ERBB4: variants seen among roughly 807,000 people sequenced by gnomAD.
ERBB4 encodes receptor tyrosine-protein kinase erbB-4.
In ERBB4, 42 loss-of-function variants were observed where a neutral mutation model predicts 158.0. The ratio of observed to expected loss-of-function variants is 0.27; its 90% CI spans 0.21 to 0.34. The LOEUF (loss-of-function observed/expected upper bound fraction) is 0.34, where lower values mean the gene tolerates loss of function less well. Ranked by LOEUF, ERBB4 falls within the 10% of genes least tolerant of loss-of-function variation. ERBB4 has a pLI of 1.00. For synonymous variants in ERBB4, 583 were observed against 558.7 expected (o/e 1.04, Z -0.61); for missense variants, 1,333 against 1,624.1 (o/e 0.82, Z 3.08).
chr2:212,387,324 C>G (rs150184636), intron 1 of ERBB4, among the ~76,000 whole-genome samples: 3,647 of 152,204 alleles, frequency 0.024, 55 homozygotes, highest in Non-Finnish European at 0.036. Flanking sequence ...AAGCAAAAAG[C>G]AAGAATGCAT....
At chr2:211,413,694 G>A (rs2063318461) in intron 25 of ERBB4, among the ~76,000 whole-genome samples, 1 of 151,974 alleles carries the variant, frequency 6.6e-6, no homozygotes, top group Admixed American at 6.6e-5. Flanking sequence ...AATCACATAA[G>A]GAAAAAAGTT....
At chr2:212,057,342 C>T (rs1027558250) in intron 2 of ERBB4, among the ~76,000 whole-genome samples, 1 of 152,166 alleles carries the variant, frequency 6.6e-6, no homozygotes, top group Non-Finnish European at 1.5e-5. Context: ...GAGACTTTAA[C>T]ACCGCACTGT....
chr2:211,934,722 G>C (rs1037998099), intron 3 of ERBB4, among the ~76,000 whole-genome samples: 1 of 151,608 alleles, frequency 6.6e-6, no homozygotes, highest in East Asian at 1.9e-4. Flanking sequence ...TATGAAGTCC[G>C]TGCCCAATTA....
chr2:212,379,611 T>C (rs374982837), intron 1 of ERBB4, among the ~76,000 whole-genome samples: 26 of 151,556 alleles, frequency 1.7e-4, no homozygotes, highest in African/African-American at 5.8e-4. Context: ...CCACAGCTCT[T>C]TAACTTTAAT....
chr2:211,462,331 G>A (rs1574535206), intron 20 of ERBB4, among the ~76,000 whole-genome samples: 2 of 152,046 alleles, frequency 1.3e-5, no homozygotes, highest in Admixed American at 6.6e-5. Flanking sequence ...TTCCAACATT[G>A]GGGATTACAA....
At chr2:211,826,104 G>A (rs2105956019) in intron 3 of ERBB4, among the ~76,000 whole-genome samples, 1 of 151,470 alleles carries the variant, frequency 6.6e-6, no homozygotes, top group East Asian at 1.9e-4. Context: ...TAAGAAAACA[G>A]ACTGAAATAT....
intron 20 of ERBB4, among the ~76,000 whole-genome samples, chr2:211,525,238 C>CT (rs1371949697): frequency 6.6e-6 from 1 of 152,176 alleles, no homozygotes; most frequent in South Asian, 2.1e-4. Flanking sequence ...AACCACCCCT[C>CT]TTGCAACCCC....
At chr2:212,385,073 T>C (rs2090632537) in intron 1 of ERBB4, among the ~76,000 whole-genome samples, 1 of 151,508 alleles carries the variant, frequency 6.6e-6, no homozygotes. Flanking sequence ...AATTCAACAG[T>C]GTTTGCAAAC....
chr2:211,570,769 C>T (rs17413364), intron 19 of ERBB4, among the ~76,000 whole-genome samples: 5,331 of 152,106 alleles, frequency 0.035, 119 homozygotes, highest in Middle Eastern at 0.1. Context: ...ATTTGTCAGT[C>T]CCCCTTTAGC....
At chr2:212,367,132 C>T (rs1029034580) in intron 1 of ERBB4, among the ~76,000 whole-genome samples, 10 of 151,992 alleles carry the variant, frequency 6.6e-5, no homozygotes, top group African/African-American at 2.4e-4. Context: ...CATGTGTGGA[C>T]ACAGTGTAAA....
At chr2:212,328,265 C>T (rs2087957886) in intron 1 of ERBB4, among the ~76,000 whole-genome samples, 1 of 152,006 alleles carries the variant, frequency 6.6e-6, no homozygotes, top group African/African-American at 2.4e-5. Context: ...TGCCAGAAGG[C>T]TATGGCCTCA....
chr2:212,435,046 A>G (rs1488354803), intron 1 of ERBB4, among the ~76,000 whole-genome samples: 2 of 152,046 alleles, frequency 1.3e-5, no homozygotes, highest in East Asian at 3.8e-4. Flanking sequence ...TTAGGCATTC[A>G]TTCATATTTC....
chr2:211,709,030 C>T (rs1467926609), intron 9 of ERBB4, among the ~76,000 whole-genome samples: 1 of 151,882 alleles, frequency 6.6e-6, no homozygotes, highest in Non-Finnish European at 1.5e-5. Flanking sequence ...AGTAATTTTT[C>T]ACCTGGATGA....
chr2:211,571,203 C>A (rs534358398), intron 19 of ERBB4, among the ~76,000 whole-genome samples: 17 of 152,086 alleles, frequency 1.1e-4, no homozygotes, highest in Admixed American at 1.1e-3. Flanking sequence ...CCCTTCAATG[C>A]AGAAATACTA....
chr2:212,264,256 T>C (rs1460137585), intron 1 of ERBB4, among the ~76,000 whole-genome samples: 1 of 152,130 alleles, frequency 6.6e-6, no homozygotes, highest in African/African-American at 2.4e-5. Flanking sequence ...GCTATGCGCC[T>C]GGCTTTCCTT....
intron 2 of ERBB4, among the ~76,000 whole-genome samples, chr2:212,105,058 G>A (rs2079186056): frequency 6.6e-6 from 1 of 152,050 alleles, no homozygotes; most frequent in South Asian, 2.1e-4. Flanking sequence ...GGACTAGAAT[G>A]CTCCATTAGG....
intron 20 of ERBB4, among the ~76,000 whole-genome samples, chr2:211,517,390 T>G (rs1380274899): frequency 6.6e-6 from 1 of 152,156 alleles, no homozygotes; most frequent in Non-Finnish European, 1.5e-5. Context: ...TATGAATCAA[T>G]TATGTCATTT....
In ERBB4 at chr2:211,947,656, T is replaced by A. The variant is rs752230303; in HGVS notation, c.235-40A>T. The A allele has an allele frequency of 5.8e-6, 9 of 1,562,920 alleles. No individual in the cohort carries two copies. In the East Asian group the frequency reaches 1.1e-4, roughly 20 times the overall value. ...ACAGTTGCCTGTGTTATAAAACGAA[T>A]TTGTCACTCTGTATATGTAGCAATT... On this transcript the variant is annotated intron_variant, in intron 2 of 27. Coordinates refer to ENST00000342788, the MANE Select transcript of ERBB4 (RefSeq NM_005235.3).
chr2:212,237,902 C>G (rs2083937965), intron 1 of ERBB4, among the ~76,000 whole-genome samples: 1 of 152,108 alleles, frequency 6.6e-6, no homozygotes. Context: ...CTACTCAAGT[C>G]TCAGTAATAG....
Sources: allele counts gnomAD v4.1 joint callset (sites outside exome capture counted in the v4.1 genomes callset), GRCh38; gene constraint gnomAD v4.1.1; transcripts MANE v1.5; gene names NCBI Gene and HGNC (gene_info 2026-07-23, HGNC 2026-07-21).